Variants in PRKN observed in about 807,000 individuals in gnomAD.
PRKN encodes the protein parkin RBR E3 ubiquitin protein ligase.
PRKN carries 56 observed loss-of-function variants against 59.5 expected under a neutral mutation model. The observed-to-expected ratio is 0.94, with a 90% CI of 0.76 to 1.18. The LOEUF (loss-of-function observed/expected upper bound fraction) is 1.18, where lower values mean the gene tolerates loss of function less well. PRKN is among the 50% of genes most tolerant of loss of function. The pLI is 0.00. For missense variants in PRKN, 657 were observed against 596.4 expected (o/e 1.10, Z -1.06); for synonymous variants, 250 against 222.1 (o/e 1.13, Z -1.12).
Position 162,001,151 on chromosome 6 carries a change from C to G in PRKN, c.619-27734G>C, listed in dbSNP as rs866181020. Among the ~76,000 whole-genome samples, 11 of 152,080 alleles carry G rather than the reference C, an allele frequency of 7.2e-5. 1 individual carries two copies. In the South Asian group the frequency reaches 2.1e-3, roughly 29 times the overall value. ...TGGGTCTTTTGCCTCTTCATATAAA[C>G]TTTTGAATCAGTTTGTTGATATTCA... On this transcript the variant is annotated intron_variant, in intron 5 of 11. Transcript: ENST00000366898.
chr6:162,418,299 T>C (rs1188061833), intron 2 of PRKN, among the ~76,000 whole-genome samples: 1 of 152,100 alleles, frequency 6.6e-6, no homozygotes, highest in Non-Finnish European at 1.5e-5. Context: ...ATGTCCACAA[T>C]AGACAAATCC....
intron 7 of PRKN, among the ~76,000 whole-genome samples, chr6:161,649,009 C>G (rs1036693072): frequency 6.6e-6 from 1 of 152,208 alleles, no homozygotes; most frequent in Non-Finnish European, 1.5e-5. Context: ...TATTAGCCAT[C>G]TGTGAGTTTG....
In PRKN at chr6:161,480,647, T is replaced by C. The variant is rs7774267; in HGVS notation, c.1083+68207A>G. Reference sequence around the variant, plus strand: ...AAGACTCAGGAAATATCGTCTCCTTTGTAGGAAATCACCTAACTGGAACCT... The same window carrying C: ...AAGACTCAGGAAATATCGTCTCCTTCGTAGGAAATCACCTAACTGGAACCT... On this transcript the variant is annotated intron_variant, in intron 9 of 11. Transcript: ENST00000366898. The surrounding 1 kb of genome is among the most constrained non-coding windows in gnomAD (Gnocchi z 4.1). Among the ~76,000 whole-genome samples the C allele has an allele frequency of 0.08, 12,225 of 152,200 alleles. 634 individuals are homozygous for C. Among genetic ancestry groups the C allele is most frequent in the African/African-American group, 0.14 (6,006 of 41,492 alleles).
At chr6:161,773,102 A>C (rs1317150151) in intron 7 of PRKN, among the ~76,000 whole-genome samples, 1 of 152,096 alleles carries the variant, frequency 6.6e-6, no homozygotes, top group Non-Finnish European at 1.5e-5. Context: ...GCGGCTATGG[A>C]GGAGATCACA....
chr6:161,933,894 G>C (rs113064246), intron 6 of PRKN, among the ~76,000 whole-genome samples: 1,903 of 152,332 alleles, frequency 0.012, 45 homozygotes, highest in African/African-American at 0.042. Context: ...GAAGTCTTTG[G>C]ACCACACTTT....
At chr6:162,437,431 G>C (rs1242194394) in intron 2 of PRKN, among the ~76,000 whole-genome samples, 1 of 152,060 alleles carries the variant, frequency 6.6e-6, no homozygotes, top group Non-Finnish European at 1.5e-5. Context: ...AAAGATGCCA[G>C]CTACCTTTTC....
chr6:161,866,353 A>G (rs1794109988), intron 6 of PRKN, among the ~76,000 whole-genome samples: 1 of 152,160 alleles, frequency 6.6e-6, no homozygotes, highest in Non-Finnish European at 1.5e-5. Flanking sequence ...AGGCGGGTGG[A>G]TCACGAGGTC....
chr6:161,944,929 CT>C (rs1583385843), intron 6 of PRKN, among the ~76,000 whole-genome samples: 1 of 152,266 alleles, frequency 6.6e-6, no homozygotes, highest in East Asian at 1.9e-4. Flanking sequence ...AGGAAACTAG[CT>C]ATTTGCATTT....
intron 6 of PRKN, among the ~76,000 whole-genome samples, chr6:161,944,728 T>C (rs545717319): frequency 2.0e-5 from 3 of 152,356 alleles, no homozygotes; most frequent in African/African-American, 4.8e-5. Flanking sequence ...TTAGGAATTG[T>C]ACTCCTTATA....
chr6:162,588,717 A>C (rs7453248), intron 1 of PRKN, among the ~76,000 whole-genome samples: 34,011 of 151,428 alleles, frequency 0.22, 4,589 homozygotes, highest in African/African-American at 0.38. Flanking sequence ...ACGCCCGGGT[A>C]ATTTTTTGTA....
At chr6:162,310,794 T>C (rs945392565) in intron 2 of PRKN, among the ~76,000 whole-genome samples, 1 of 151,078 alleles carries the variant, frequency 6.6e-6, no homozygotes, top group Non-Finnish European at 1.5e-5. Flanking sequence ...TTTACAGTAC[T>C]GGATACATGA....
At position 162,256,778 on chromosome 6, in the gene PRKN, G is replaced by A. The variant is rs537295223; in HGVS notation, c.412+5747C>T. On this transcript the variant is annotated intron_variant, in intron 3 of 11. Coordinates refer to ENST00000366898, the MANE Select transcript of PRKN (RefSeq NM_004562.3). ...GTTAGAAGAGCACACTGTCCAGCCA[G>A]GCCTCATGGAGTCTTGAATGCAATG... Among the ~76,000 whole-genome samples, 96 of 152,250 alleles carry A rather than the reference G, an allele frequency of 6.3e-4. 2 individuals carry two copies. The South Asian group carries it at 0.02, about 31-fold the overall frequency.
At chr6:161,485,930 C>G (rs1312237806) in intron 9 of PRKN, among the ~76,000 whole-genome samples, 2 of 151,930 alleles carry the variant, frequency 1.3e-5, no homozygotes, top group African/African-American at 2.4e-5. Context: ...GTTTATTTAT[C>G]TTAAACTGTA....
intron 7 of PRKN, among the ~76,000 whole-genome samples, chr6:161,632,908 T>A (rs368802756): frequency 1.1e-3 from 163 of 152,258 alleles, no homozygotes; most frequent in African/African-American, 3.7e-3. Context: ...ACTAGGTCCC[T>A]CCCATGACAC....
At chr6:162,151,535 AT>A (rs1403748527) in intron 4 of PRKN, among the ~76,000 whole-genome samples, 1 of 152,218 alleles carries the variant, frequency 6.6e-6, no homozygotes, top group Non-Finnish European at 1.5e-5. Flanking sequence ...GAAATCTCTC[AT>A]GAGGAAACTG....
chr6:162,002,091 G>A lies in PRKN; in HGVS notation c.619-28674C>T, dbSNP rs147298310. On this transcript the variant is annotated intron_variant, in intron 5 of 11. Transcript: ENST00000366898. ...TTATTGAGGAATTTTGCATCTATAC[G>A]CATGCAAGATCTTGGTCTGTAGTTT... Among the ~76,000 whole-genome samples the A allele has an allele frequency of 6.6e-3, 1,005 of 151,900 alleles. 12 individuals carry two copies. The highest frequency in any genetic ancestry group is 0.022 in the African/African-American group (924 of 41,466).
rs113061094 is a variant in PRKN at position 161,647,855 on chromosome 6, C to T, written c.872-78439G>A. On this transcript the variant is annotated intron_variant, in intron 7 of 11. Coordinates refer to ENST00000366898, the MANE Select transcript of PRKN (RefSeq NM_004562.3). ...AATCCTTTCAGATAATTTATTAAAA[C>T]AAAATAAGAGCATGCAAAGAGCCCA... 2.3e-4 allele frequency among the ~76,000 whole-genome samples: 10 copies of T among 43,946 alleles called. No individual in the cohort carries two copies. The African/African-American group carries it at 5.5e-3, about 24-fold the overall frequency. 28.8% of individuals were successfully genotyped at this position (43,946 alleles called of 152,430 possible). A position where few individuals can be genotyped will look rare whatever the true frequency, so the allele number is the denominator to read the frequency against.
At chr6:162,541,589 G>A (rs1471692395) in intron 1 of PRKN, among the ~76,000 whole-genome samples, 4 of 152,184 alleles carry the variant, frequency 2.6e-5, no homozygotes, top group African/African-American at 9.6e-5. Flanking sequence ...GAGGCCCAGG[G>A]ATTAAGATTT....
At chr6:161,426,779 C>T (rs536963830) in intron 9 of PRKN, among the ~76,000 whole-genome samples, 4 of 152,036 alleles carry the variant, frequency 2.6e-5, no homozygotes, top group African/African-American at 7.2e-5. Context: ...AGTGCAGTGG[C>T]GCAATCTCGG....
Sources: allele counts gnomAD v4.1 joint callset (sites outside exome capture counted in the v4.1 genomes callset), GRCh38; gene constraint gnomAD v4.1.1; non-coding constraint Gnocchi (gnomAD v3.1); transcripts MANE v1.5; gene names NCBI Gene and HGNC (gene_info 2026-07-23, HGNC 2026-07-21).